Variants in ANKAR observed in about 807,000 individuals in gnomAD.
The protein encoded by ANKAR is ankyrin and armadillo repeat containing.
ANKAR carries 136 observed loss-of-function variants against 146.2 expected under a neutral mutation model. That is an observed-to-expected ratio of 0.93 (90% confidence interval 0.81 to 1.07). The LOEUF is 1.07. Ranked by LOEUF, ANKAR falls within the 50% of genes least tolerant of loss-of-function variation. ANKAR has a pLI of 0.00. For synonymous variants in ANKAR, 500 were observed against 575.8 expected (o/e 0.87, Z 1.88); for missense variants, 1,567 against 1,679.9 (o/e 0.93, Z 1.18).
rs373774858 is a variant in ANKAR, at chr2:189,727,856, A to G, written c.2636A>G (p.Asp879Gly). ...AACTTGTTCTTAAATTCATTTGAAG[A>G]TGTGTTGAAGGCTGTATCTTCTGCT... is the stretch of plus-strand genomic sequence containing the variant. ...YLIRFLSSDSDVLKAVSSAAI... is the reference protein window; with the variant it reads ...YLIRFLSSDSGVLKAVSSAAI... The change falls in exon 13 of 23, where the codon GAT becomes GGT. Residue 879 changes from aspartate (D) to glycine (G), a missense_variant and splice_region_variant. Coordinates refer to ENST00000684021, the MANE Select transcript of ANKAR (RefSeq NM_001378068.1). 4.3e-6 allele frequency: 7 copies of G among 1,611,184 alleles called. No individual in the cohort carries two copies. The African/African-American group carries it at 9.4e-5, about 22-fold the overall frequency.
At chr2:189,760,731 C>A (rs1244401235) in intron 18 of ANKAR, among the ~76,000 whole-genome samples, 1 of 151,758 alleles carries the variant, frequency 6.6e-6, no homozygotes, top group Non-Finnish European at 1.5e-5. Context: ...GCGGAGATTG[C>A]AGTGAGCCGA....
Position 189,728,791 on chromosome 2 carries a change from GTCA to G in ANKAR, c.3167_3169del (p.Ile1056del). The stretch of plus-strand genomic sequence containing the variant: ...GATTGCTGAAGGCACACTTCTCAGT[GTCA>G]TCAGAGCAGTGGGATCCATTTGTAT... On this transcript the variant is annotated inframe_deletion, in exon 15 of 23. Coordinates refer to ENST00000684021, the MANE Select transcript of ANKAR (RefSeq NM_001378068.1). The G allele has an allele frequency of 6.2e-7, 1 of 1,613,960 alleles. No homozygotes were observed. The highest frequency in any genetic ancestry group is 8.5e-7 in the Non-Finnish European group (1 of 1,179,870).
intron 18 of ANKAR, among the ~76,000 whole-genome samples, chr2:189,757,524 C>T (rs2046256922): frequency 6.6e-6 from 1 of 152,338 alleles, no homozygotes; most frequent in East Asian, 1.9e-4. Context: ...AAGGAATTCA[C>T]ACTTAATATT....
At chr2:189,704,217 C>A (rs1404656419) in intron 7 of ANKAR, among the ~76,000 whole-genome samples, 1 of 151,324 alleles carries the variant, frequency 6.6e-6, no homozygotes, top group Non-Finnish European at 1.5e-5. Flanking sequence ...TCTCTGCTCA[C>A]TACAACCTCC....
intron 18 of ANKAR, among the ~76,000 whole-genome samples, chr2:189,757,362 T>C (rs1026340289): frequency 9.9e-5 from 15 of 152,224 alleles, no homozygotes; most frequent in African/African-American, 3.4e-4. Context: ...TGCCAAGTAA[T>C]CCTCTATTAT....
downstream of ANKAR, among the ~76,000 whole-genome samples, chr2:189,749,326 C>T (rs575633197): frequency 6.7e-6 from 1 of 149,384 alleles, no homozygotes; most frequent in South Asian, 2.1e-4. Context: ...AAAGTCAGGC[C>T]CTGGAGGCTG....
chr2:189,693,776 T>A (rs1452134132), intron 5 of ANKAR, among the ~76,000 whole-genome samples: 1 of 151,570 alleles, frequency 6.6e-6, no homozygotes, highest in Non-Finnish European at 1.5e-5. Flanking sequence ...TGAGACAGAG[T>A]CTTGCTCTGT....
In ANKAR at chr2:189,705,112, GA is replaced by G. The variant is rs753688897; in HGVS notation, c.1804del (p.Arg602GlufsTer29). The part of the protein sequence containing the change: ...LCSKADYTLS[E>X]KRGWMPIHFA... ...TTCCAAAGCTGATTACACGCTTTCT[GA>G]AAAAAGAGGCTGGATGCCGATTCAC... On this transcript the variant is annotated frameshift_variant, in exon 8 of 23. Transcript: ENST00000684021. LOFTEE classifies it high-confidence loss of function. The G allele has an allele frequency of 6.2e-7, 1 of 1,614,066 alleles. No homozygotes were observed. The highest frequency in any genetic ancestry group is 1.1e-5 in the South Asian group (1 of 91,080).
chr2:189,718,747 T>C (rs1259994575), intron 10 of ANKAR, among the ~76,000 whole-genome samples: 1 of 147,864 alleles, frequency 6.8e-6, no homozygotes, highest in Non-Finnish European at 1.5e-5. Context: ...TCTATTTTCT[T>C]TTTTTTTTTT....
At chr2:189,707,505 T>C (rs2105681927) in intron 9 of ANKAR, among the ~76,000 whole-genome samples, 2 of 148,298 alleles carry the variant, frequency 1.3e-5, no homozygotes, top group East Asian at 3.9e-4. Flanking sequence ...TGAAAAATAT[T>C]CCCTCCAACT....
intron 4 of ANKAR, 189 bp downstream of exon 4, chr2:189,692,607 G>T (rs1464114574): frequency 2.1e-6 from 1 of 486,458 alleles, no homozygotes; most frequent in Admixed American, 4.2e-5. Flanking sequence ...AAGGTACTGT[G>T]TTGGATATCT....
Position 189,726,847 on chromosome 2 carries a change from C to G in ANKAR, c.2636-1009C>G, listed in dbSNP as rs200786500. ...CCACGATGTATGCACGCAACATACC[C>G]TCAAATTTAGAAAAGTAAATTATAT... On this transcript the variant is annotated intron_variant, in intron 12 of 22. Transcript: ENST00000684021. Among the ~76,000 whole-genome samples the G allele has an allele frequency of 8.5e-5, 13 of 152,050 alleles. No homozygotes were observed. The East Asian group carries it at 2.5e-3, about 29-fold the overall frequency.
At chr2:189,735,577 A>G (rs1459830333) in intron 17 of ANKAR, among the ~76,000 whole-genome samples, 2 of 152,206 alleles carry the variant, frequency 1.3e-5, no homozygotes, top group Non-Finnish European at 2.9e-5. Flanking sequence ...CAGCAACATT[A>G]AATATGTCAC....
intron 2 of ANKAR, among the ~76,000 whole-genome samples, chr2:189,680,385 C>A (rs1014258019): frequency 2.0e-5 from 3 of 151,966 alleles, no homozygotes; most frequent in African/African-American, 7.2e-5. Flanking sequence ...TTTCAAAAAA[C>A]CAGCTTTTTG....
At chr2:189,694,385 G>T (rs1339847565) in intron 5 of ANKAR, among the ~76,000 whole-genome samples, 4 of 152,148 alleles carry the variant, frequency 2.6e-5, no homozygotes, top group African/African-American at 9.7e-5. Flanking sequence ...ATGGGGGGAA[G>T]GGGAGGAAGG....
intron 18 of ANKAR, among the ~76,000 whole-genome samples, chr2:189,756,615 T>C (rs917222851): frequency 3.3e-5 from 5 of 152,194 alleles, no homozygotes; most frequent in African/African-American, 1.2e-4. Flanking sequence ...CAAAGCTACT[T>C]TTTCTCTTAT....
Position 189,693,157 on chromosome 2 carries a change from C to A in ANKAR, c.1287C>A (p.Val429=). 1 of 1,551,136 alleles carries A rather than the reference C, an allele frequency of 6.4e-7. No homozygotes were observed. The highest frequency in any genetic ancestry group is 1.2e-5 in the South Asian group (1 of 84,756). The part of the protein sequence containing the change: ...SGYKEYYSIP[V]MEFHGKSYYV... ...ATAAAGAATATTACTCAATACCAGT[C>A]ATGGAATTTCATGGAAAAAGGTACG... Residue 429 remains valine (V), a synonymous_variant, in exon 5 of 23, where the codon GTC becomes GTA. Coordinates refer to ENST00000684021, the MANE Select transcript of ANKAR (RefSeq NM_001378068.1).
chr2:189,755,746 T>C (rs1482132022), intron 18 of ANKAR, among the ~76,000 whole-genome samples: 1 of 152,210 alleles, frequency 6.6e-6, no homozygotes, highest in African/African-American at 2.4e-5. Context: ...ATTAAGGGGA[T>C]AATGTTTCTG....
chr2:189,731,237 A>AG (rs775371698), intron 16 of ANKAR, among the ~76,000 whole-genome samples: 2 of 152,220 alleles, frequency 1.3e-5, no homozygotes, highest in Non-Finnish European at 2.9e-5. Flanking sequence ...GGACATCTAT[A>AG]GATGGCCAGG....
Sources: allele counts gnomAD v4.1 joint callset (sites outside exome capture counted in the v4.1 genomes callset), GRCh38; gene constraint gnomAD v4.1.1; transcripts MANE v1.5; gene names NCBI Gene and HGNC (gene_info 2026-07-23, HGNC 2026-07-21).